ARB2A: variants seen among roughly 807,000 people sequenced by gnomAD.
ARB2A encodes cotranscriptional regulator ARB2A.
chr5:93,828,992 G>A, the ARB2A span, among the ~76,000 whole-genome samples: 2 of 152,086 alleles, frequency 1.3e-5, no homozygotes, highest in Non-Finnish European at 2.9e-5. Context: ...GGCTTGGCTG[G>A]TCTTCAACTC....
chr5:93,708,011 T>C, the ARB2A span, among the ~76,000 whole-genome samples: 6 of 152,268 alleles, frequency 3.9e-5, no homozygotes, highest in South Asian at 1.2e-3. Context: ...AGTAGTGCTA[T>C]GAATGCCCAT....
chr5:93,643,559 A>ATC, the ARB2A span, among the ~76,000 whole-genome samples: 1 of 152,134 alleles, frequency 6.6e-6, no homozygotes, highest in African/African-American at 2.4e-5. Flanking sequence ...CAATGGCATG[A>ATC]TCTCAGCTCA....
At chr5:93,793,652 A>T in the ARB2A span, among the ~76,000 whole-genome samples, 1 of 152,168 alleles carries the variant, frequency 6.6e-6, no homozygotes, top group Admixed American at 6.5e-5. Flanking sequence ...AGGAAGCTAG[A>T]GTAATGTCTG....
the ARB2A span, among the ~76,000 whole-genome samples, chr5:93,664,511 C>G: frequency 2.6e-5 from 4 of 151,604 alleles, no homozygotes; most frequent in Admixed American, 2.0e-4. Flanking sequence ...GGCACCTGTA[C>G]TCCCAGGTAC....
At chr5:94,012,797 T>C in the ARB2A span, among the ~76,000 whole-genome samples, 6 of 152,206 alleles carry the variant, frequency 3.9e-5, no homozygotes, top group Non-Finnish European at 5.9e-5. Flanking sequence ...CAATGGGTTT[T>C]TGAGAAAAGA....
chr5:93,940,971 A>G, the ARB2A span, among the ~76,000 whole-genome samples: 4 of 152,194 alleles, frequency 2.6e-5, no homozygotes, highest in African/African-American at 9.6e-5. Context: ...TAAAAATATA[A>G]AGGCTAAAAA....
the ARB2A span, among the ~76,000 whole-genome samples, chr5:94,109,878 C>CTTTT: frequency 5.2e-5 from 5 of 96,226 alleles, no homozygotes; most frequent in Non-Finnish European, 4.0e-5. Flanking sequence ...CTCTATACCT[C>CTTTT]TTTTTTTTTT....
chr5:93,800,151 G>T, the ARB2A span, among the ~76,000 whole-genome samples: 2 of 151,738 alleles, frequency 1.3e-5, no homozygotes, highest in Admixed American at 6.6e-5. Flanking sequence ...CAAAGCAAAG[G>T]TATTTAAAAA....
the ARB2A span, among the ~76,000 whole-genome samples, chr5:93,980,761 T>C: frequency 2.6e-5 from 4 of 152,162 alleles, no homozygotes; most frequent in Non-Finnish European, 5.9e-5. Flanking sequence ...TATATTTTGA[T>C]TTATATACAT....
At chr5:93,686,007 TACTG>T in the ARB2A span, among the ~76,000 whole-genome samples, 1 of 152,188 alleles carries the variant, frequency 6.6e-6, no homozygotes, top group Non-Finnish European at 1.5e-5. Context: ...GGCAAAAATG[TACTG>T]ACTATGTGTT....
the ARB2A span, among the ~76,000 whole-genome samples, chr5:93,837,954 AT>A: frequency 6.6e-6 from 1 of 151,840 alleles, no homozygotes; most frequent in South Asian, 2.1e-4. Flanking sequence ...TATTCTATAG[AT>A]TGTCTGTTTA....
At chr5:93,686,733 C>A in the ARB2A span, among the ~76,000 whole-genome samples, 1 of 152,156 alleles carries the variant, frequency 6.6e-6, no homozygotes, top group African/African-American at 2.4e-5. Flanking sequence ...TTGTCCCTGG[C>A]TAACAGATTG....
the ARB2A span, among the ~76,000 whole-genome samples, chr5:94,066,422 G>GCA: frequency 0.14 from 18,647 of 132,292 alleles, 1,304 homozygotes; most frequent in East Asian, 0.26. Context: ...GCCAGACTAA[G>GCA]CACACACACA....
the ARB2A span, among the ~76,000 whole-genome samples, chr5:93,825,958 G>A: frequency 5.9e-5 from 9 of 151,388 alleles, 1 homozygote; most frequent in African/African-American, 2.2e-4. Context: ...TTTTCTAAAA[G>A]CATTTTCTAT....
At chr5:94,092,800 T>C in the ARB2A span, among the ~76,000 whole-genome samples, 1 of 152,176 alleles carries the variant, frequency 6.6e-6, no homozygotes, top group Non-Finnish European at 1.5e-5. Context: ...TTAAGTTCTA[T>C]TAGATGCTCC....
the ARB2A span, among the ~76,000 whole-genome samples, chr5:94,096,140 A>G: frequency 6.6e-6 from 1 of 152,250 alleles, no homozygotes; most frequent in South Asian, 2.1e-4. Flanking sequence ...AGTCATTTCC[A>G]TAGTACAGGC....
At chr5:93,692,566 C>T in the ARB2A span, among the ~76,000 whole-genome samples, 37 of 152,162 alleles carry the variant, frequency 2.4e-4, no homozygotes, top group Non-Finnish European at 4.7e-4. Flanking sequence ...TAGAGCCCTA[C>T]AAAGAGACTT....
the ARB2A span, among the ~76,000 whole-genome samples, chr5:93,919,578 A>C: frequency 6.6e-6 from 1 of 152,196 alleles, no homozygotes; most frequent in Non-Finnish European, 1.5e-5. Flanking sequence ...GCAATCATTT[A>C]TAGCCCAAAT....
chr5:93,907,505 T>A, the ARB2A span, among the ~76,000 whole-genome samples: 4 of 151,448 alleles, frequency 2.6e-5, no homozygotes, highest in Admixed American at 6.6e-5. Context: ...GAGGTCATCA[T>A]CTAATAGGGC....
Sources: allele counts gnomAD v4.1 joint callset (sites outside exome capture counted in the v4.1 genomes callset), GRCh38; gene constraint gnomAD v4.1.1; transcripts MANE v1.5; gene names NCBI Gene and HGNC (gene_info 2026-07-23, HGNC 2026-07-21).